CCSER1: variants seen among roughly 807,000 people sequenced by gnomAD.
CCSER1 encodes the protein coiled-coil serine rich protein 1.
Under a neutral mutation model 82.0 loss-of-function variants are expected in CCSER1, and 41 were observed. That is an observed-to-expected ratio of 0.50 (90% CI 0.39 to 0.65). The LOEUF (loss-of-function observed/expected upper bound fraction) is 0.65. Ranked by LOEUF, CCSER1 falls within the 30% of genes least tolerant of loss-of-function variation. The probability of loss-of-function intolerance (pLI) is 0.00; values close to 1 mark genes in which losing one functional copy is unlikely to be tolerated. For synonymous variants in CCSER1, 414 were observed against 383.9 expected (o/e 1.08, Z -0.92); for missense variants, 1,119 against 1,064.2 (o/e 1.05, Z -0.72).
chr4:90,194,261 A>G (rs563844602), intron 1 of CCSER1, among the ~76,000 whole-genome samples: 1 of 152,096 alleles, frequency 6.6e-6, no homozygotes, highest in Admixed American at 6.6e-5. Context: ...TCTGTAAAGT[A>G]GGCATACTAT....
chr4:90,213,011 C>A (rs1213897646), intron 1 of CCSER1, among the ~76,000 whole-genome samples: 1 of 152,092 alleles, frequency 6.6e-6, no homozygotes, highest in East Asian at 1.9e-4. Flanking sequence ...ATCATGAAGG[C>A]ATTTGTAAGG....
At chr4:90,593,174 A>G (rs112036559) in intron 5 of CCSER1, among the ~76,000 whole-genome samples, 2,959 of 152,216 alleles carry the variant, frequency 0.019, 96 homozygotes, top group African/African-American at 0.068. Flanking sequence ...TCATAGGAAA[A>G]CTAAACAGAT....
chr4:91,432,760 G>A (rs186220089), intron 10 of CCSER1, among the ~76,000 whole-genome samples: 314 of 152,172 alleles, frequency 2.1e-3, no homozygotes, highest in African/African-American at 7.4e-3. Context: ...ATACATTAGG[G>A]AAATTAGCTC....
intron 4 of CCSER1, among the ~76,000 whole-genome samples, chr4:90,437,395 T>G (rs1489421452): frequency 1.3e-5 from 2 of 152,146 alleles, no homozygotes; most frequent in East Asian, 3.9e-4. Flanking sequence ...GTGATAATTG[T>G]CATTGCTAAA....
chr4:90,343,428 C>G (rs917481552), intron 3 of CCSER1, among the ~76,000 whole-genome samples: 30 of 152,194 alleles, frequency 2.0e-4, no homozygotes, highest in East Asian at 1.7e-3. Flanking sequence ...ACCAGCCTGG[C>G]CGACACGGTG....
chr4:91,480,014 T>C (rs1757814325), intron 10 of CCSER1, among the ~76,000 whole-genome samples: 1 of 144,552 alleles, frequency 6.9e-6, no homozygotes, highest in Admixed American at 7.1e-5. Context: ...GTTCTTGCGA[T>C]AGTTTACTGA....
At chr4:91,566,960 C>T (rs555435844) in intron 10 of CCSER1, among the ~76,000 whole-genome samples, 11 of 152,084 alleles carry the variant, frequency 7.2e-5, no homozygotes, top group Non-Finnish European at 1.6e-4. Flanking sequence ...TGCTTCTCTA[C>T]TTCTTTCAGT....
chr4:90,493,007 A>G (rs1768316056), intron 5 of CCSER1, among the ~76,000 whole-genome samples: 1 of 152,142 alleles, frequency 6.6e-6, no homozygotes, highest in Non-Finnish European at 1.5e-5. Flanking sequence ...AAGAAGATAA[A>G]AACCTTGAAA....
chr4:90,152,794 G>C lies in CCSER1; in HGVS notation c.-42+24963G>C, dbSNP rs528867769. 7.2e-5 allele frequency among the ~76,000 whole-genome samples: 11 copies of C among 152,138 alleles called. No individual in the cohort carries two copies. The South Asian group carries it at 2.3e-3, about 32-fold the overall frequency. On this transcript the variant is annotated intron_variant, in intron 1 of 10. Transcript: ENST00000509176. ...ATTTGGGATATTCTGTAGATGATGG[G>C]AGGTGCTTAAGCTTTTGAGCAGTAG... is the stretch of plus-strand genomic sequence containing the variant.
intron 10 of CCSER1, among the ~76,000 whole-genome samples, chr4:91,459,764 C>T (rs1756395863): frequency 6.6e-6 from 1 of 152,136 alleles, no homozygotes. Context: ...AATTCTACTT[C>T]AAGGACTACT....
intron 9 of CCSER1, among the ~76,000 whole-genome samples, chr4:91,023,578 T>C (rs1019161941): frequency 2.6e-5 from 4 of 152,174 alleles, no homozygotes; most frequent in African/African-American, 4.8e-5. Context: ...GTTTAATAAA[T>C]GGTGCTGGGA....
intron 10 of CCSER1, among the ~76,000 whole-genome samples, chr4:91,428,804 T>G (rs1754133371): frequency 6.6e-6 from 1 of 152,090 alleles, no homozygotes; most frequent in African/African-American, 2.4e-5. Context: ...TTAGTATTGT[T>G]TGAAATTCAA....
chr4:91,048,857 TG>T (rs1742750179), intron 9 of CCSER1, among the ~76,000 whole-genome samples: 1 of 152,156 alleles, frequency 6.6e-6, no homozygotes, highest in South Asian at 2.1e-4. Flanking sequence ...TTACAGTCAT[TG>T]AAAGATCAAA....
At chr4:90,709,837 C>G (rs1337399563) in intron 6 of CCSER1, among the ~76,000 whole-genome samples, 1 of 151,934 alleles carries the variant, frequency 6.6e-6, no homozygotes, top group Non-Finnish European at 1.5e-5. Flanking sequence ...ATTTCTGCCT[C>G]TAGGTCTTTG....
chr4:90,698,282 C>T (rs1022455258), intron 6 of CCSER1, among the ~76,000 whole-genome samples: 9 of 152,106 alleles, frequency 5.9e-5, no homozygotes, highest in African/African-American at 2.2e-4. Flanking sequence ...GTAGTCAGTG[C>T]TCTGTGTGTG....
intron 9 of CCSER1, among the ~76,000 whole-genome samples, chr4:90,924,621 A>G (rs1728817491): frequency 6.6e-6 from 1 of 152,194 alleles, no homozygotes; most frequent in Non-Finnish European, 1.5e-5. Context: ...TTTTAAAAAG[A>G]AATAATTTTA....
intron 9 of CCSER1, among the ~76,000 whole-genome samples, chr4:91,076,903 T>A: frequency 6.6e-6 from 1 of 152,062 alleles, no homozygotes; most frequent in Admixed American, 6.6e-5. Context: ...AGATCTGAGT[T>A]TAGAGAGAAC....
intron 6 of CCSER1, among the ~76,000 whole-genome samples, chr4:90,641,567 T>A (rs1299257511): frequency 6.6e-6 from 1 of 152,152 alleles, no homozygotes; most frequent in East Asian, 1.9e-4. Context: ...ACAGCAACAT[T>A]ACTCCCCACA....
At chr4:91,458,394 A>G (rs1056945831) in intron 10 of CCSER1, among the ~76,000 whole-genome samples, 1 of 152,110 alleles carries the variant, frequency 6.6e-6, no homozygotes, top group Admixed American at 6.6e-5. Flanking sequence ...ATCTTTATAC[A>G]GTACCATGCA....
Sources: gnomAD v4.1 joint callset for allele counts (sites outside exome capture counted in the v4.1 genomes callset) on GRCh38, gnomAD v4.1.1 for gene constraint, MANE v1.5 for transcripts, NCBI Gene and HGNC (gene_info 2026-07-23, HGNC 2026-07-21) for gene names.